Variants in KCNJ16 observed in about 807,000 individuals in gnomAD.
KCNJ16 encodes the protein inward rectifier potassium channel 16.
A neutral mutation model predicts 18.5 loss-of-function variants in KCNJ16; 15 were observed. The ratio of observed to expected loss-of-function variants is 0.81; its 90% CI spans 0.54 to 1.25. KCNJ16 has a LOEUF of 1.25. Among genes scored for constraint, KCNJ16 ranks in the 50% most tolerant of loss-of-function variants. KCNJ16 has a pLI of 0.00. For synonymous variants in KCNJ16, 174 were observed against 186.5 expected, an observed-to-expected ratio of 0.93 and a Z score of 0.55; for missense variants, 523 against 525.7, an observed-to-expected ratio of 0.99 and a Z score of 0.05.
Position 70,080,004 on chromosome 17 carries a change from T to C in KCNJ16, c.-300+4614T>C, listed in dbSNP as rs144308106. 4.8e-4 allele frequency among the ~76,000 whole-genome samples: 73 copies of C among 152,344 alleles called. No individual in the cohort carries two copies. In the East Asian group the frequency reaches 0.013, roughly 27 times the overall value. On this transcript the variant is annotated intron_variant, in intron 1 of 3. Coordinates refer to ENST00000392671, the MANE Select transcript of KCNJ16 (RefSeq NM_170741.4). ...AGGCGTGAGCAACCACATCTGGCAG[T>C]ACAGCATTGTTAATGCTATAGCTTT... is the stretch of plus-strand genomic sequence containing the variant.
chr17:70,112,229 GC>G (rs1357589965), intron 2 of KCNJ16, among the ~76,000 whole-genome samples: 1 of 152,100 alleles, frequency 6.6e-6, no homozygotes. Context: ...GCGACATTTG[GC>G]CAAATATGAA....
At chr17:70,095,111 T>C (rs189972471) in intron 1 of KCNJ16, among the ~76,000 whole-genome samples, 7 of 152,382 alleles carry the variant, frequency 4.6e-5, no homozygotes, top group Non-Finnish European at 5.9e-5. Flanking sequence ...GTTTGTTTAA[T>C]TCACAAATAG....
intron 2 of KCNJ16, among the ~76,000 whole-genome samples, 177 bp from the exon 3 acceptor site, chr17:70,130,702 A>G (rs992381263): frequency 2.6e-5 from 4 of 152,186 alleles, no homozygotes; most frequent in African/African-American, 7.2e-5. Flanking sequence ...TATGTCAGGA[A>G]TAGTATTTAT....
intron 1 of KCNJ16, among the ~76,000 whole-genome samples, chr17:70,079,680 TTAG>T (rs137920164): frequency 3.6e-4 from 55 of 152,290 alleles, no homozygotes; most frequent in African/African-American, 1.3e-3. Flanking sequence ...ATCCATTAAT[TTAG>T]TACAGCATTT....
intron 1 of KCNJ16, among the ~76,000 whole-genome samples, chr17:70,095,324 C>T (rs1251104952): frequency 6.6e-6 from 1 of 152,158 alleles, no homozygotes; most frequent in Non-Finnish European, 1.5e-5. Flanking sequence ...CCAATCATAA[C>T]CTTTGTAGCC....
chr17:70,116,991 C>T (rs1281172069), intron 2 of KCNJ16, among the ~76,000 whole-genome samples: 1 of 152,130 alleles, frequency 6.6e-6, no homozygotes, highest in Non-Finnish European at 1.5e-5. Context: ...CACCAAAAGT[C>T]TCATGCACTC....
intron 1 of KCNJ16, among the ~76,000 whole-genome samples, chr17:70,090,799 A>G (rs897288237): frequency 6.6e-6 from 1 of 152,190 alleles, no homozygotes. Context: ...CAATACCGCT[A>G]ACCCACTTAG....
At position 70,133,641 on chromosome 17, in the gene KCNJ16, A is replaced by G; in HGVS notation, c.*297A>G. 1 of 250,306 alleles carries G rather than the reference A, an allele frequency of 4.0e-6. No homozygotes were observed. Among genetic ancestry groups the G allele is most frequent in the Non-Finnish European group, 8.2e-6 (1 of 121,406 alleles). 15.5% of individuals were successfully genotyped at this position (250,306 alleles called of 1,614,324 possible). A position where few individuals can be genotyped will look rare whatever the true frequency, so the allele number is the denominator to read the frequency against. On this transcript the variant is annotated 3_prime_UTR_variant, in exon 4 of 4. Coordinates refer to ENST00000392671, the MANE Select transcript of KCNJ16 (RefSeq NM_170741.4). ...TCAGTTGGAGGTGTAGTATTCAAAA[A>G]CGGGGAATGAAGGCAGGAAGGAGGC...
chr17:70,081,982 T>C (rs2143571085), intron 1 of KCNJ16, among the ~76,000 whole-genome samples: 1 of 152,334 alleles, frequency 6.6e-6, no homozygotes, highest in East Asian at 1.9e-4. Flanking sequence ...AAGGTTGTTG[T>C]CTTTTACACT....
At chr17:70,107,927 A>G (rs1202997879) in intron 2 of KCNJ16, among the ~76,000 whole-genome samples, 1 of 152,192 alleles carries the variant, frequency 6.6e-6, no homozygotes, top group African/African-American at 2.4e-5. Context: ...TCTTCCTTAA[A>G]TTCTTCAAGT....
At chr17:70,128,176 A>AAGC (rs2073923332) in intron 2 of KCNJ16, 1 of 152,212 alleles carries the variant, frequency 6.6e-6, no homozygotes, top group Admixed American at 6.5e-5. Context: ...GGGGACAAAT[A>AAGC]AGCAGGATGT....
At chr17:70,091,458 A>G (rs1291717972) in intron 1 of KCNJ16, among the ~76,000 whole-genome samples, 1 of 152,192 alleles carries the variant, frequency 6.6e-6, no homozygotes, top group African/African-American at 2.4e-5. Context: ...ACGCATTTAC[A>G]GGGGTCAAAG....
At chr17:70,123,856 G>C (rs1331499361) in intron 2 of KCNJ16, among the ~76,000 whole-genome samples, 1 of 152,218 alleles carries the variant, frequency 6.6e-6, no homozygotes, top group African/African-American at 2.4e-5. Flanking sequence ...GTTTAGAAAT[G>C]ATTGCTCTGG....
chr17:70,129,488 T>C (rs1383658802), intron 2 of KCNJ16, among the ~76,000 whole-genome samples: 1 of 152,212 alleles, frequency 6.6e-6, no homozygotes, highest in Non-Finnish European at 1.5e-5. Context: ...ATGGGTCAGA[T>C]TGGATATGGT....
intron 2 of KCNJ16, among the ~76,000 whole-genome samples, chr17:70,102,597 T>C (rs943041501): frequency 1.7e-4 from 26 of 152,180 alleles, no homozygotes; most frequent in African/African-American, 6.3e-4. Flanking sequence ...AAAAAATCAG[T>C]TGGCAAAATC....
At chr17:70,125,950 G>C (rs2073840698) in intron 2 of KCNJ16, among the ~76,000 whole-genome samples, 1 of 151,630 alleles carries the variant, frequency 6.6e-6, no homozygotes, top group African/African-American at 2.4e-5. Flanking sequence ...AAGAAAAATA[G>C]AAAACAGAGG....
At chr17:70,080,079 A>G (rs572231978) in intron 1 of KCNJ16, among the ~76,000 whole-genome samples, 28 of 152,310 alleles carry the variant, frequency 1.8e-4, no homozygotes, top group Non-Finnish European at 3.7e-4. Flanking sequence ...AAATTGAGGT[A>G]AAGAGTAAGT....
At chr17:70,081,012 G>A (rs977390120) in intron 1 of KCNJ16, among the ~76,000 whole-genome samples, 2 of 152,168 alleles carry the variant, frequency 1.3e-5, no homozygotes, top group East Asian at 3.8e-4. Flanking sequence ...TCGGTTCTTA[G>A]CTGACCTGTT....
At chr17:70,124,929 C>A (rs1231870746) in intron 2 of KCNJ16, among the ~76,000 whole-genome samples, 1 of 128,190 alleles carries the variant, frequency 7.8e-6, no homozygotes, top group African/African-American at 3.7e-5. Flanking sequence ...TGGGTGTTGA[C>A]AACAAGGAGC....
Sources: gnomAD v4.1 joint callset for allele counts (sites outside exome capture counted in the v4.1 genomes callset) on GRCh38, gnomAD v4.1.1 for gene constraint, MANE v1.5 for transcripts, NCBI Gene and HGNC (gene_info 2026-07-23, HGNC 2026-07-21) for gene names.